Variants in GPATCH2 observed in about 807,000 individuals in gnomAD.
GPATCH2 encodes G patch domain-containing protein 2.
In GPATCH2, 51 loss-of-function variants were observed where a neutral mutation model predicts 58.0. The observed-to-expected ratio is 0.88, with a 90% CI of 0.70 to 1.11. The LOEUF (loss-of-function observed/expected upper bound fraction) is 1.11. GPATCH2 is among the 50% of genes most tolerant of loss of function. The pLI, the probability that GPATCH2 is intolerant of heterozygous loss-of-function variation, is 0.00. For synonymous variants in GPATCH2, 222 were observed against 218.5 expected (o/e 1.02, Z -0.14); for missense variants, 625 against 652.2 (o/e 0.96, Z 0.45).
chr1:217,469,117 T>C (rs1198379014), intron 8 of GPATCH2, among the ~76,000 whole-genome samples: 1 of 152,134 alleles, frequency 6.6e-6, no homozygotes, highest in Non-Finnish European at 1.5e-5. Flanking sequence ...CATAGACCCC[T>C]GGACTGTAAC....
intron 5 of GPATCH2, among the ~76,000 whole-genome samples, chr1:217,532,891 T>C (rs1411268781): frequency 1.5e-5 from 1 of 64,694 alleles, no homozygotes; most frequent in African/African-American, 5.4e-5. Context: ...TTTTTGTTTT[T>C]TTTTTTTTGT....
chr1:217,458,014 T>C (rs1018213717), intron 8 of GPATCH2, among the ~76,000 whole-genome samples: 1 of 152,130 alleles, frequency 6.6e-6, no homozygotes, highest in African/African-American at 2.4e-5. Context: ...GACCACGAAG[T>C]CAGGAGATAG....
intron 8 of GPATCH2, among the ~76,000 whole-genome samples, chr1:217,488,888 T>A (rs1427142498): frequency 1.3e-5 from 2 of 149,032 alleles, no homozygotes; most frequent in African/African-American, 5.0e-5. Context: ...AGAGACAGAG[T>A]CTTGCATGTT....
chr1:217,568,109 T>G (rs1188493176), intron 5 of GPATCH2, among the ~76,000 whole-genome samples: 1 of 151,906 alleles, frequency 6.6e-6, no homozygotes, highest in African/African-American at 2.4e-5. Flanking sequence ...AGAGCAAGAC[T>G]CCGTCTCAAA....
At chr1:217,526,136 C>G (rs1663894295) in intron 5 of GPATCH2, among the ~76,000 whole-genome samples, 1 of 152,094 alleles carries the variant, frequency 6.6e-6, no homozygotes, top group East Asian at 1.9e-4. Context: ...AAAATTACAG[C>G]TGGTTTTTAT....
chr1:217,598,024 T>C (rs1039671284), intron 5 of GPATCH2, among the ~76,000 whole-genome samples: 1 of 152,190 alleles, frequency 6.6e-6, no homozygotes, highest in Non-Finnish European at 1.5e-5. Flanking sequence ...GAAACTAATA[T>C]TTTTCAGAAA....
rs140850986 is a variant in GPATCH2 at position 217,522,831 on chromosome 1, T to TACACACAC, written c.1099-7950_1099-7943dup. ...CAAATAGTTTTGGGGACTTGTTCAA[T>TACACACAC]ACACACACACACACACACACAACTT... On this transcript the variant is annotated intron_variant, in intron 5 of 9. Coordinates refer to ENST00000366935, the MANE Select transcript of GPATCH2 (RefSeq NM_018040.5). Among the ~76,000 whole-genome samples the TACACACAC allele has an allele frequency of 9.4e-4, 141 of 149,332 alleles. 1 individual carries two copies. Among genetic ancestry groups the TACACACAC allele is most frequent in the East Asian group, 4.9e-3 (25 of 5,086 alleles).
intron 7 of GPATCH2, among the ~76,000 whole-genome samples, chr1:217,492,063 G>T (rs778377856): frequency 4.6e-5 from 7 of 152,100 alleles, no homozygotes; most frequent in African/African-American, 1.7e-4. Flanking sequence ...TTAAGATGTA[G>T]CCTGGAGATG....
chr1:217,516,137 G>A (rs1269392456), intron 5 of GPATCH2, among the ~76,000 whole-genome samples: 2 of 150,228 alleles, frequency 1.3e-5, no homozygotes, highest in Non-Finnish European at 1.5e-5. Flanking sequence ...TTCTCAAAGG[G>A]AACATAGCAC....
chr1:217,466,304 C>T (rs955394932), intron 8 of GPATCH2, among the ~76,000 whole-genome samples: 1 of 151,294 alleles, frequency 6.6e-6, no homozygotes, highest in Non-Finnish European at 1.5e-5. Flanking sequence ...AAAAAGGAGG[C>T]AGTATAGTAC....
intron 5 of GPATCH2, among the ~76,000 whole-genome samples, chr1:217,600,495 T>C (rs1205863933): frequency 3.9e-5 from 6 of 152,194 alleles, no homozygotes; most frequent in Non-Finnish European, 2.9e-5. Flanking sequence ...CTACCCATCA[T>C]TGATTTTGAA....
At chr1:217,461,983 G>GA (rs753354747) in intron 8 of GPATCH2, among the ~76,000 whole-genome samples, 2 of 152,128 alleles carry the variant, frequency 1.3e-5, no homozygotes, top group Non-Finnish European at 2.9e-5. Context: ...ATAAGTACGT[G>GA]AACATTAATG....
chr1:217,431,093 A>G lies in GPATCH2; in HGVS notation c.*52T>C. On this transcript the variant is annotated 3_prime_UTR_variant, in exon 10 of 10. Coordinates refer to ENST00000366935, the MANE Select transcript of GPATCH2 (RefSeq NM_018040.5). ...AACAGAAGTCATGTTATCATTTTAG[A>G]ACAATGGGACATAGTGAATAAAGTC... 4.4e-6 allele frequency: 4 copies of G among 914,694 alleles called. No individual in the cohort carries two copies. Among genetic ancestry groups the G allele is most frequent in the Non-Finnish European group, 7.4e-6 (4 of 543,478 alleles). 56.7% of individuals were successfully genotyped at this position (914,694 alleles called of 1,614,324 possible). A position where few individuals can be genotyped will look rare whatever the true frequency, so the allele number is the denominator to read the frequency against.
At chr1:217,495,262 GATT>G (rs756746625) in intron 7 of GPATCH2, among the ~76,000 whole-genome samples, 15 of 152,188 alleles carry the variant, frequency 9.9e-5, no homozygotes, top group South Asian at 4.1e-4. Flanking sequence ...CATTTTTCAA[GATT>G]ATTAAAAGTC....
intron 5 of GPATCH2, among the ~76,000 whole-genome samples, chr1:217,594,378 T>C (rs1044350577): frequency 6.6e-6 from 1 of 152,094 alleles, no homozygotes; most frequent in Non-Finnish European, 1.5e-5. Context: ...CCAACAGAAG[T>C]AAAACTGACT....
chr1:217,446,635 GTAATT>G (rs991367336), intron 9 of GPATCH2, among the ~76,000 whole-genome samples: 1 of 152,020 alleles, frequency 6.6e-6, no homozygotes, highest in Admixed American at 6.5e-5. Context: ...TACTTTTTGA[GTAATT>G]AAAAGTGCAT....
intron 3 of GPATCH2, 27 bp from the exon 4 acceptor site, chr1:217,611,098 C>T (rs541720953): frequency 1.9e-6 from 3 of 1,577,714 alleles, no homozygotes; most frequent in Non-Finnish European, 2.6e-6. Context: ...AACCCCCCCC[C>T]ACCAAAGACT....
At chr1:217,612,805 G>C (rs1475145244) in intron 3 of GPATCH2, among the ~76,000 whole-genome samples, 1 of 152,090 alleles carries the variant, frequency 6.6e-6, no homozygotes, top group Non-Finnish European at 1.5e-5. Flanking sequence ...TAGAATTCTA[G>C]TGTCTGTAAC....
At chr1:217,445,043 A>G (rs1468889709) in intron 9 of GPATCH2, among the ~76,000 whole-genome samples, 1 of 152,156 alleles carries the variant, frequency 6.6e-6, no homozygotes, top group African/African-American at 2.4e-5. Flanking sequence ...GTGGAGAAAA[A>G]AGTTGAAAAG....
Sources: gnomAD v4.1 joint callset for allele counts (sites outside exome capture counted in the v4.1 genomes callset) on GRCh38, gnomAD v4.1.1 for gene constraint, MANE v1.5 for transcripts, NCBI Gene and HGNC (gene_info 2026-07-23, HGNC 2026-07-21) for gene names.